Variants in PDE4C observed in about 807,000 individuals in gnomAD.
PDE4C encodes the protein phosphodiesterase 4C, also known as 3',5'-cyclic-AMP phosphodiesterase 4C.
In PDE4C, 50 loss-of-function variants were observed where a neutral mutation model predicts 63.9. The ratio of observed to expected loss-of-function variants is 0.78; its 90% confidence interval spans 0.62 to 0.99. PDE4C has a LOEUF of 0.99. Among genes scored for constraint, PDE4C ranks in the 50% least tolerant of loss-of-function variants. PDE4C has a pLI of 0.00. For missense variants in PDE4C, 777 were observed against 899.1 expected (o/e 0.86, Z 1.74); for synonymous variants, 377 against 385.1 (o/e 0.98, Z 0.25).
At chr19:18,240,533 C>G (rs1203614586) in intron 1 of PDE4C, among the ~76,000 whole-genome samples, 2 of 151,890 alleles carry the variant, frequency 1.3e-5, no homozygotes, top group Non-Finnish European at 2.9e-5. Context: ...CGAGACCAGC[C>G]CGGCCAACAT....
chr19:18,216,870 G>A (rs145016507), exon 12 of PDE4C: 48 of 1,613,778 alleles, frequency 3.0e-5, no homozygotes, highest in South Asian at 5.5e-5. Context: ...CCGAGGCGTC[G>A]TTGTACATAA....
At chr19:18,218,028 G>A in intron 11 of PDE4C, 121 bp downstream of exon 11, 2 of 754,478 alleles carry the variant, frequency 2.7e-6, no homozygotes, top group Non-Finnish European at 4.6e-6. Context: ...AACTGTCATA[G>A]TCATTTCATA....
chr19:18,233,373 C>A (rs1374154987), exon 1 of PDE4C: 2 of 796,410 alleles, frequency 2.5e-6, no homozygotes, highest in African/African-American at 3.4e-5. Flanking sequence ...GGGGCCGACA[C>A]CGAGGAGCTG....
chr19:18,230,451 ACAAGATTGTGC>A, upstream of PDE4C, among the ~76,000 whole-genome samples: 1 of 152,154 alleles, frequency 6.6e-6, no homozygotes, highest in Admixed American at 6.6e-5. Context: ...TTGCAGTGAG[ACAAGATTGTGC>A]CACTGCACCC....
At chr19:18,237,991 C>T (rs1968981542), upstream of PDE4C, among the ~76,000 whole-genome samples, 1 of 151,894 alleles carries the variant, frequency 6.6e-6, no homozygotes, top group Non-Finnish European at 1.5e-5. Flanking sequence ...AATCCCAACA[C>T]TTTGAAAGGG....
At chr19:18,219,593 G>T in intron 7 of PDE4C, 196 bp from the exon 8 acceptor site, 3 of 601,632 alleles carry the variant, frequency 5.0e-6, no homozygotes, top group Non-Finnish European at 8.6e-6. Context: ...GGAGGTCGAG[G>T]TGGGCAGATC....
intron 1 of PDE4C, among the ~76,000 whole-genome samples, chr19:18,224,963 A>G (rs1252682567): frequency 6.6e-6 from 1 of 152,240 alleles, no homozygotes; most frequent in African/African-American, 2.4e-5. Flanking sequence ...CAAGGGTTCC[A>G]GAAAAGCGCG....
At chr19:18,238,864 G>A (rs1026367678) in intron 1 of PDE4C, among the ~76,000 whole-genome samples, 7 of 151,848 alleles carry the variant, frequency 4.6e-5, no homozygotes, top group African/African-American at 7.3e-5. Context: ...GGTGGCACAC[G>A]CCTGTAGTCC....
At chr19:18,237,904 C>T (rs1968980290), upstream of PDE4C, among the ~76,000 whole-genome samples, 1 of 149,780 alleles carries the variant, frequency 6.7e-6, no homozygotes, top group Non-Finnish European at 1.5e-5. Flanking sequence ...GTGCCTGGTC[C>T]ACAGTACACA....
chr19:18,233,703 C>T, upstream of PDE4C: 1 of 351,694 alleles, frequency 2.8e-6, no homozygotes, highest in South Asian at 2.1e-5. Flanking sequence ...CAGCGAAGAG[C>T]TGTCCGCGAC....
At chr19:18,212,978 G>A (rs1230714225) in intron 13 of PDE4C, among the ~76,000 whole-genome samples, 7 of 143,776 alleles carry the variant, frequency 4.9e-5, no homozygotes, top group African/African-American at 7.5e-5. Flanking sequence ...GAGCCACTGC[G>A]CCCGGCTGCT....
exon 1 of PDE4C, chr19:18,226,389 C>A: frequency 6.9e-7 from 1 of 1,455,808 alleles, no homozygotes. Context: ...GCCCGGGGAC[C>A]GGGGCGGGCG....
chr19:18,229,925 A>G (rs187197337), upstream of PDE4C, among the ~76,000 whole-genome samples: 117 of 150,736 alleles, frequency 7.8e-4, no homozygotes, highest in Non-Finnish European at 1.3e-3. Flanking sequence ...GTCTCTCCCC[A>G]CTCCTCACTG....
At chr19:18,249,028 T>TAAA (rs35271467), upstream of PDE4C, among the ~76,000 whole-genome samples, 14 of 136,356 alleles carry the variant, frequency 1.0e-4, no homozygotes, top group East Asian at 4.3e-4. Context: ...TCCATCTTAT[T>TAAA]AAAAAAAAAA....
At chr19:18,224,758 C>G (rs917224095) in intron 1 of PDE4C, among the ~76,000 whole-genome samples, 5 of 152,260 alleles carry the variant, frequency 3.3e-5, no homozygotes, top group African/African-American at 1.2e-4. Flanking sequence ...TTAGCAGCAC[C>G]GGGATGAACC....
chr19:18,228,524 G>A (rs550006043), upstream of PDE4C, among the ~76,000 whole-genome samples: 19 of 152,330 alleles, frequency 1.2e-4, no homozygotes, highest in African/African-American at 4.1e-4. Flanking sequence ...GTTCTTCCCA[G>A]CCTGGGTCCT....
At chr19:18,224,564 G>C (rs1220744832) in intron 1 of PDE4C, 15 of 958,454 alleles carry the variant, frequency 1.6e-5, no homozygotes, top group Non-Finnish European at 1.9e-5. Flanking sequence ...GAGCTCGGGA[G>C]ACTTCGGATA....
chr19:18,226,575 A>T, upstream of PDE4C: 2 of 375,952 alleles, frequency 5.3e-6, no homozygotes, highest in Non-Finnish European at 4.6e-6. Flanking sequence ...GGGGAAACTG[A>T]GGCACAGAGT....
intron 2 of PDE4C, 91 bp from the exon 3 acceptor site, chr19:18,221,388 T>A: frequency 7.7e-7 from 1 of 1,306,868 alleles, no homozygotes; most frequent in Admixed American, 2.8e-5. Context: ...GGTCCTGCTC[T>A]CAGGACTTCT....
Sources: allele counts gnomAD v4.1 joint callset (sites outside exome capture counted in the v4.1 genomes callset), GRCh38; gene constraint gnomAD v4.1.1; transcripts MANE v1.5; gene names NCBI Gene and HGNC (gene_info 2026-07-23, HGNC 2026-07-21).